HDAC1: variants seen among roughly 807,000 people sequenced by gnomAD.
The protein encoded by HDAC1 is histone deacetylase 1.
HDAC1 carries 18 observed loss-of-function variants against 65.5 expected under a neutral mutation model. The observed-to-expected ratio is 0.27, with a 90% CI of 0.19 to 0.41. The LOEUF (loss-of-function observed/expected upper bound fraction) is 0.41. Ranked by LOEUF, HDAC1 falls within the 10% of genes least tolerant of loss-of-function variation. The pLI is 1.00. For missense variants in HDAC1, 373 were observed against 625.2 expected, an observed-to-expected ratio of 0.60 and a Z score of 4.30; for synonymous variants, 211 against 227.9, an observed-to-expected ratio of 0.93 and a Z score of 0.67.
At chr1:32,312,122 G>T (rs143491631) in intron 2 of HDAC1, among the ~76,000 whole-genome samples, 2 of 151,862 alleles carry the variant, frequency 1.3e-5, no homozygotes, top group East Asian at 3.9e-4. Flanking sequence ...CTGGGACTAC[G>T]GTGCATGCCA....
intron 2 of HDAC1, among the ~76,000 whole-genome samples, chr1:32,315,440 C>A (rs1469605269): frequency 6.6e-6 from 1 of 151,664 alleles, no homozygotes; most frequent in Non-Finnish European, 1.5e-5. Flanking sequence ...GCAACCTCCA[C>A]CTCCCAGGTT....
rs766808220 is a variant in HDAC1 at position 32,327,511 on chromosome 1, AC to A, written c.495-21del. The A allele has an allele frequency of 2.5e-6, 4 of 1,588,588 alleles. No individual in the cohort carries two copies. The East Asian group carries it at 6.7e-5, about 27-fold the overall frequency. On this transcript the variant is annotated intron_variant, in intron 5 of 13. Coordinates refer to ENST00000373548, the MANE Select transcript of HDAC1 (RefSeq NM_004964.3). The surrounding 1 kb of genome is among the most constrained non-coding windows in gnomAD (Gnocchi z 6.0). ...CGTCCCATCCCCAAAGAGCCCCCAG[AC>A]CCCTGACCCCCTTCTGATCCTAGGT...
chr1:32,333,016 G>A lies in HDAC1; in HGVS notation c.1422-1G>A. ...CATGCCAGTCTCTGCTCTCTCCACAGGGTCAAGGAGGAGGTCAAGTTGGCC... is the reference window on the plus strand; with the variant it reads ...CATGCCAGTCTCTGCTCTCTCCACAAGGTCAAGGAGGAGGTCAAGTTGGCC... On this transcript the variant is annotated splice_acceptor_variant, in intron 13 of 13. Transcript: ENST00000373548. LOFTEE classifies it high-confidence loss of function. The A allele has an allele frequency of 6.2e-7, 1 of 1,613,712 alleles. No homozygotes were observed. Among genetic ancestry groups the A allele is most frequent in the South Asian group, 1.1e-5 (1 of 90,924 alleles).
At chr1:32,300,012 C>T (rs959359924) in intron 1 of HDAC1, among the ~76,000 whole-genome samples, 13 of 151,444 alleles carry the variant, frequency 8.6e-5, no homozygotes, top group South Asian at 2.1e-4. Context: ...GAGCCGAGAT[C>T]GCACCACTGC....
chr1:32,331,246 T>C lies in HDAC1; in HGVS notation c.980-228T>C, dbSNP rs1250501076. 6.6e-6 allele frequency among the ~76,000 whole-genome samples: 1 copy of C among 152,166 alleles called. No individual in the cohort carries two copies. Among genetic ancestry groups the C allele is most frequent in the East Asian group, 1.9e-4 (1 of 5,198 alleles). On this transcript the variant is annotated intron_variant, in intron 9 of 13. Transcript: ENST00000373548. This position sits in a 1 kb window ranked among gnomAD's most constrained non-coding sequence, Gnocchi z 4.2. ...CCTCAAGTGTCCTAAACCAGGGACA[T>C]GGGCCTTCTCCTAGCGACATATACA...
chr1:32,310,209 G>C (rs1261314030), intron 2 of HDAC1, among the ~76,000 whole-genome samples: 1 of 152,146 alleles, frequency 6.6e-6, no homozygotes, highest in Non-Finnish European at 1.5e-5. Flanking sequence ...TTTTAAGCTA[G>C]CTAAACTGAC....
chr1:32,333,056 C>T lies in HDAC1; in HGVS notation c.*12C>T, dbSNP rs1003483530. Reference sequence around the variant, plus strand: ...TCAAGTTGGCCTGAATGGACCTCTCCAGCTCTGGCTTCCTGCTGAGTCCCT... The same window carrying T: ...TCAAGTTGGCCTGAATGGACCTCTCTAGCTCTGGCTTCCTGCTGAGTCCCT... On this transcript the variant is annotated 3_prime_UTR_variant, in exon 14 of 14. Transcript: ENST00000373548. 9.9e-6 allele frequency: 16 copies of T among 1,612,322 alleles called. No homozygotes were observed. The highest frequency in any genetic ancestry group is 2.2e-5 in the East Asian group (1 of 44,876).
rs2148070808 is a variant in HDAC1, at chr1:32,327,676, G to A, written c.635G>A (p.Arg212Gln). The change falls in exon 6 of 14, where the codon CGG (arginine) becomes CAG (glutamine). Residue 212 changes from arginine to glutamine, a missense_variant and splice_region_variant. By Grantham distance (43) the Arg-to-Gln change is conservative (BLOSUM62 1). Coordinates refer to ENST00000373548, the MANE Select transcript of HDAC1 (RefSeq NM_004964.3). The surrounding 1 kb of genome is among the most constrained non-coding windows in gnomAD (Gnocchi z 6.0). ...GEYFPGTGDL[R>Q]DIGAGKGKYY... ...TACTTCCCAGGAACTGGGGACCTAC[G>A]GGTGAGAACGCCCTTTAGGAGCCAA... 6 of 1,614,056 alleles carry A rather than the reference G, an allele frequency of 3.7e-6. No homozygotes were observed. The highest frequency in any genetic ancestry group is 5.1e-6 in the Non-Finnish European group (6 of 1,179,920).
intron 2 of HDAC1, among the ~76,000 whole-genome samples, chr1:32,305,211 T>C (rs1640895832): frequency 2.0e-5 from 3 of 152,330 alleles, no homozygotes; most frequent in South Asian, 2.1e-4. Context: ...CTGTATTTCA[T>C]TGAAATAAAT....
intron 1 of HDAC1, among the ~76,000 whole-genome samples, chr1:32,297,891 G>A (rs779799127): frequency 7.2e-6 from 1 of 139,654 alleles, no homozygotes; most frequent in African/African-American, 2.7e-5. Context: ...CCAGGTTCAC[G>A]CCATTCTCCT....
At position 32,329,009 on chromosome 1, in the gene HDAC1, T is replaced by C; in HGVS notation, c.637-59T>C. On this transcript the variant is annotated intron_variant, in intron 6 of 13. Coordinates refer to ENST00000373548, the MANE Select transcript of HDAC1 (RefSeq NM_004964.3). This position sits in a 1 kb window ranked among gnomAD's most constrained non-coding sequence, Gnocchi z 4.1. ...TCTTCCTTTATCCCTCCAGCCCCTA[T>C]CCTTGACCTTCCTTCAAGCTTCATC... The C allele has an allele frequency of 9.8e-7, 1 of 1,022,668 alleles. No homozygotes were observed. The highest frequency in any genetic ancestry group is 1.3e-5 in the South Asian group (1 of 79,282). 63.3% of individuals were successfully genotyped at this position (1,022,668 alleles called of 1,614,324 possible).
intron 1 of HDAC1, among the ~76,000 whole-genome samples, chr1:32,292,755 C>T (rs1224284174): frequency 6.6e-6 from 1 of 151,950 alleles, no homozygotes; most frequent in African/African-American, 2.4e-5. Context: ...CTCACTTAAT[C>T]TCTCAAGCAG....
chr1:32,302,305 G>A (rs2148058118), intron 1 of HDAC1, among the ~76,000 whole-genome samples: 1 of 152,178 alleles, frequency 6.6e-6, no homozygotes, highest in East Asian at 1.9e-4. Context: ...GGAATTCCTT[G>A]GAGGTATAGT....
In HDAC1 at chr1:32,292,090, C is replaced by T; in HGVS notation, c.-80C>T. 2.9e-6 allele frequency: 4 copies of T among 1,397,614 alleles called. No homozygotes were observed. Among genetic ancestry groups the T allele is most frequent in the Non-Finnish European group, 3.9e-6 (4 of 1,012,830 alleles). The allele number at this position is 1,397,614 out of a possible 1,614,324, so 86.6% of individuals were successfully genotyped here. On this transcript the variant is annotated 5_prime_UTR_variant, in exon 1 of 14. Coordinates refer to ENST00000373548, the MANE Select transcript of HDAC1 (RefSeq NM_004964.3). ...GGCGGGCCGGAGGCCCGCCCCCTCC[C>T]CCCTGGGTCGGACGCTGAGCGGAGC...
Position 32,329,828 on chromosome 1 carries a change from C to A in HDAC1, c.729+668C>A. 6.4e-6 allele frequency: 1 copy of A among 156,038 alleles called. No homozygotes were observed. 9.7% of individuals were successfully genotyped at this position (156,038 alleles called of 1,614,324 possible). A position where few individuals can be genotyped will look rare whatever the true frequency, so the allele number is the denominator to read the frequency against. On this transcript the variant is annotated intron_variant, in intron 7 of 13. Transcript: ENST00000373548. This position sits in a 1 kb window ranked among gnomAD's most constrained non-coding sequence, Gnocchi z 4.1. ...GGACTTTGGAAAATGAGGAGGTGCC[C>A]ATGTGAAGAAGGAGGTGATGGCAGT...
At chr1:32,302,542 T>G in intron 1 of HDAC1, 79 bp from the exon 2 acceptor site, 4 of 705,422 alleles carry the variant, frequency 5.7e-6, no homozygotes, top group Non-Finnish European at 1.1e-5. Flanking sequence ...TGACTGGGAG[T>G]TCGCTGTAAA....
intron 3 of HDAC1, among the ~76,000 whole-genome samples, chr1:32,321,241 A>AT (rs1557608733): frequency 2.6e-5 from 4 of 151,466 alleles, no homozygotes; most frequent in African/African-American, 9.7e-5. Context: ...AAAAAAAAAA[A>AT]AATAATAATA....
At chr1:32,300,407 T>C (rs964743302) in intron 1 of HDAC1, among the ~76,000 whole-genome samples, 5 of 151,838 alleles carry the variant, frequency 3.3e-5, no homozygotes, top group Non-Finnish European at 7.4e-5. Context: ...ATATGAAAAT[T>C]AGCTGGATTT....
At chr1:32,295,400 CAA>C (rs113966477) in intron 1 of HDAC1, among the ~76,000 whole-genome samples, 35 of 135,238 alleles carry the variant, frequency 2.6e-4, no homozygotes, top group Admixed American at 3.7e-4. Context: ...GACCTTGTGT[CAA>C]AAAAAAAAAA....
Sources: gnomAD v4.1 joint callset for allele counts (sites outside exome capture counted in the v4.1 genomes callset) on GRCh38, gnomAD v4.1.1 for gene constraint, Gnocchi (gnomAD v3.1) non-coding constraint, MANE v1.5 for transcripts, NCBI Gene and HGNC (gene_info 2026-07-23, HGNC 2026-07-21) for gene names.